Variants in KCNAB2 observed in about 807,000 individuals in gnomAD.
The protein encoded by KCNAB2 is potassium voltage-gated channel subfamily A regulatory beta subunit 2.
A neutral mutation model predicts 63.6 loss-of-function variants in KCNAB2; 29 were observed. The ratio of observed to expected loss-of-function variants is 0.46; its 90% CI spans 0.34 to 0.62. The LOEUF is 0.62. Among genes scored for constraint, KCNAB2 ranks in the 20% least tolerant of loss-of-function variants. The pLI, the probability that KCNAB2 is intolerant of heterozygous loss-of-function variation, is 0.01. For synonymous variants in KCNAB2, 222 were observed against 224.2 expected (o/e 0.99, Z 0.09); for missense variants, 359 against 563.9 (o/e 0.64, Z 3.68).
At chr1:6,000,059 C>T (rs1172174772) in intron 1 of KCNAB2, among the ~76,000 whole-genome samples, 1 of 151,592 alleles carries the variant, frequency 6.6e-6, no homozygotes, top group Non-Finnish European at 1.5e-5. Flanking sequence ...TGTCTGTGCC[C>T]CGTCCACACC....
rs1557944469 is a variant in KCNAB2, at chr1:6,028,948, C to CCTAA, written c.-52-11568_-52-11565dup. Among the ~76,000 whole-genome samples the CCTAA allele has an allele frequency of 2.0e-5, 3 of 152,328 alleles. No individual in the cohort carries two copies. The highest frequency in any genetic ancestry group is 4.4e-5 in the Non-Finnish European group (3 of 68,036). ...GGAATTTGGATGCAGCCACAGAAAG[C>CCTAA]CTAAGCGCCACAAGTCCCGCCATGA... On this transcript the variant is annotated intron_variant, in intron 1 of 16. Coordinates refer to the KCNAB2 transcript ENST00000341524. This position sits in a 1 kb window ranked among gnomAD's most constrained non-coding sequence, Gnocchi z 4.0.
chr1:5,996,816 T>C (rs1656968314), intron 1 of KCNAB2, among the ~76,000 whole-genome samples: 1 of 152,190 alleles, frequency 6.6e-6, no homozygotes, highest in Admixed American at 6.5e-5. Context: ...ATCATCCAAC[T>C]CCATGGCTGG....
intron 8 of KCNAB2, among the ~76,000 whole-genome samples, chr1:6,089,411 C>G (rs897916632): frequency 6.6e-6 from 1 of 152,242 alleles, no homozygotes; most frequent in Admixed American, 6.5e-5. Flanking sequence ...GCTGGGATGC[C>G]TGCAGCGCCC....
upstream of KCNAB2, among the ~76,000 whole-genome samples, chr1:6,030,769 T>C (rs1659556913): frequency 6.7e-6 from 1 of 150,344 alleles, no homozygotes; most frequent in African/African-American, 2.4e-5. Context: ...TGTACGTGTG[T>C]GTAGATATGT....
chr1:6,098,693 T>G lies in KCNAB2; in HGVS notation c.*119T>G, dbSNP rs1294619744. ...TTGCATCCAAGAGAAAACACCACACTGTGATGTCATCGGGAAATGATCTCC... is the reference window on the plus strand; with the variant it reads ...TTGCATCCAAGAGAAAACACCACACGGTGATGTCATCGGGAAATGATCTCC... On this transcript the variant is annotated 3_prime_UTR_variant, in exon 16 of 16. Coordinates refer to ENST00000378083, the MANE Select transcript of KCNAB2 (RefSeq NM_001199862.2). 1 of 1,249,464 alleles carries G rather than the reference T, an allele frequency of 8.0e-7. No individual in the cohort carries two copies. Among genetic ancestry groups the G allele is most frequent in the Non-Finnish European group, 1.1e-6 (1 of 902,838 alleles). The allele number at this position is 1,249,464 out of a possible 1,614,324, so 77.4% of individuals were successfully genotyped here. A position where few individuals can be genotyped will look rare whatever the true frequency, so the allele number is the denominator to read the frequency against.
chr1:6,024,890 C>T lies in KCNAB2; in HGVS notation c.-52-15627C>T, dbSNP rs1198471771. On this transcript the variant is annotated intron_variant, in intron 1 of 16. Coordinates refer to the KCNAB2 transcript ENST00000341524. This position sits in a 1 kb window ranked among gnomAD's most constrained non-coding sequence, Gnocchi z 5.4. Reference sequence around the variant, plus strand: ...CAGCTTTGCCACTAATTTCACCAAGCGACCTTGGATGTTATTTAATATTCT... The same window carrying T: ...CAGCTTTGCCACTAATTTCACCAAGTGACCTTGGATGTTATTTAATATTCT... 4.6e-5 allele frequency among the ~76,000 whole-genome samples: 7 copies of T among 152,148 alleles called. No individual in the cohort carries two copies. Among genetic ancestry groups the T allele is most frequent in the African/African-American group, 9.7e-5 (4 of 41,404 alleles).
chr1:6,023,590 C>T (rs892901670), intron 1 of KCNAB2, among the ~76,000 whole-genome samples: 4 of 152,080 alleles, frequency 2.6e-5, no homozygotes, highest in African/African-American at 9.7e-5. Flanking sequence ...CCATTTGTGT[C>T]TTGTCTTTGG....
chr1:6,078,488 A>G lies in KCNAB2; in HGVS notation c.301-3707A>G, dbSNP rs558919808. 3.3e-5 allele frequency among the ~76,000 whole-genome samples: 5 copies of G among 152,242 alleles called. No individual in the cohort carries two copies. In the South Asian group the frequency reaches 1.0e-3, roughly 32 times the overall value. ...ACAGGGTGGTCAGGAAGCAGAAGCG[A>G]GCAAGGACGCCACGTGGTGGTCCAG... On this transcript the variant is annotated intron_variant, in intron 4 of 15. Transcript: ENST00000378083. This position sits in a 1 kb window ranked among gnomAD's most constrained non-coding sequence, Gnocchi z 4.2.
At chr1:6,004,224 AG>A (rs1245595525) in intron 1 of KCNAB2, among the ~76,000 whole-genome samples, 1 of 147,150 alleles carries the variant, frequency 6.8e-6, no homozygotes, top group Non-Finnish European at 1.5e-5. Flanking sequence ...CTCTGGTTAG[AG>A]GGTTTTTTTT....
intron 1 of KCNAB2, chr1:6,027,188 G>A: frequency 6.5e-6 from 1 of 153,274 alleles, no homozygotes; most frequent in Admixed American, 6.5e-5. Context: ...TGGTCTTGGA[G>A]GGAGGAGGCT....
chr1:6,017,527 C>T (rs992289286), intron 1 of KCNAB2, among the ~76,000 whole-genome samples: 3 of 152,076 alleles, frequency 2.0e-5, no homozygotes, highest in Non-Finnish European at 4.4e-5. Flanking sequence ...GCATGGGTGG[C>T]TCACATCTGT....
At chr1:6,059,078 A>G (rs1189767595) in intron 2 of KCNAB2, among the ~76,000 whole-genome samples, 5 of 152,302 alleles carry the variant, frequency 3.3e-5, no homozygotes, top group Non-Finnish European at 7.4e-5. Flanking sequence ...AAAGGCAGAG[A>G]GACCCAGACT....
At chr1:6,015,660 T>C (rs998633140) in intron 1 of KCNAB2, among the ~76,000 whole-genome samples, 3 of 152,196 alleles carry the variant, frequency 2.0e-5, no homozygotes, top group Non-Finnish European at 2.9e-5. Context: ...TATGCTAATA[T>C]TGATTTGGAG....
In KCNAB2 at chr1:6,099,801, C is replaced by A; in HGVS notation, c.*1227C>A. ...CAGGGCTGGTTAGCCCCTCCCACTG[C>A]CTGACACCTGGGACAGGCTGGGCAG... On this transcript the variant is annotated 3_prime_UTR_variant, in exon 16 of 16. Transcript: ENST00000378083. The A allele has an allele frequency of 6.6e-7, 1 of 1,511,898 alleles. No homozygotes were observed. Among genetic ancestry groups the A allele is most frequent in the South Asian group, 1.3e-5 (1 of 77,684 alleles). 93.7% of individuals were successfully genotyped at this position (1,511,898 alleles called of 1,614,324 possible).
At chr1:6,088,131 C>T (rs977887376) in intron 7 of KCNAB2, among the ~76,000 whole-genome samples, 2 of 152,122 alleles carry the variant, frequency 1.3e-5, no homozygotes, top group Non-Finnish European at 2.9e-5. Context: ...ACAATCACAG[C>T]TCACTGTAGC....
intron 1 of KCNAB2, among the ~76,000 whole-genome samples, chr1:6,021,421 A>G (rs1658809792): frequency 6.6e-6 from 1 of 152,136 alleles, no homozygotes; most frequent in Non-Finnish European, 1.5e-5. Context: ...AGTTTTTTCT[A>G]TTGTGGTAAA....
At chr1:6,065,911 C>G (rs897153699) in intron 2 of KCNAB2, among the ~76,000 whole-genome samples, 1 of 152,206 alleles carries the variant, frequency 6.6e-6, no homozygotes, top group South Asian at 2.1e-4. Flanking sequence ...CCGTTGCCTT[C>G]GGAAATCCTC....
intron 1 of KCNAB2, among the ~76,000 whole-genome samples, chr1:6,017,925 T>TC (rs1278147810): frequency 6.6e-6 from 1 of 151,778 alleles, no homozygotes; most frequent in Non-Finnish European, 1.5e-5. Context: ...AAAAAAAATT[T>TC]TTTTTTAGAC....
chr1:6,030,561 CTA>C (rs895174822), upstream of KCNAB2, among the ~76,000 whole-genome samples: 31 of 148,138 alleles, frequency 2.1e-4, no homozygotes, highest in African/African-American at 6.5e-4. Flanking sequence ...GTGTGTATGT[CTA>C]TGTGTGTATG....
Sources: gnomAD v4.1 joint callset for allele counts (sites outside exome capture counted in the v4.1 genomes callset) on GRCh38, gnomAD v4.1.1 for gene constraint, Gnocchi (gnomAD v3.1) non-coding constraint, MANE v1.5 for transcripts, NCBI Gene and HGNC (gene_info 2026-07-23, HGNC 2026-07-21) for gene names.